The following CSDC2 variants were observed in gnomAD, a reference collection of about 807,000 sequenced individuals.
CSDC2 encodes the protein cold shock domain-containing protein C2.
CSDC2 carries 8 observed loss-of-function variants against 15.8 expected under a neutral mutation model. The ratio of observed to expected loss-of-function variants is 0.51; its 90% CI spans 0.30 to 0.92. The LOEUF (loss-of-function observed/expected upper bound fraction) is 0.92, where lower values mean the gene tolerates loss of function less well. CSDC2 is among the 40% of genes least tolerant of loss of function. CSDC2 has a pLI of 0.07. For missense variants in CSDC2, 195 were observed against 213.3 expected (o/e 0.91, Z 0.53); for synonymous variants, 96 against 92.3 (o/e 1.04, Z -0.23).
intron 1 of CSDC2, among the ~76,000 whole-genome samples, chr22:41,566,086 C>T (rs1263209665): frequency 6.7e-6 from 1 of 149,868 alleles, no homozygotes; most frequent in African/African-American, 2.5e-5. Context: ...GGGTGGATCA[C>T]CTGCAGTCAG....
intron 1 of CSDC2, among the ~76,000 whole-genome samples, chr22:41,569,964 G>C (rs2067136846): frequency 6.6e-6 from 1 of 151,970 alleles, no homozygotes; most frequent in African/African-American, 2.4e-5. Flanking sequence ...ATTTTTAGGA[G>C]AGACGGGGTT....
In CSDC2 at chr22:41,574,770, G is replaced by A; in HGVS notation, c.337G>A (p.Val113Met). 3 of 1,613,834 alleles carry A rather than the reference G, an allele frequency of 1.9e-6. No homozygotes were observed. The highest frequency in any genetic ancestry group is 4.5e-5 in the East Asian group (2 of 44,880). Residue 113 changes from valine to methionine, a missense_variant, in exon 4 of 4, where the codon GTG becomes ATG. Val to Met is a conservative substitution (Grantham distance 21, BLOSUM62 1). Transcript: ENST00000306149. ...GEYVPVEGDEVTYKMCPIPPK... is the reference protein window; with the variant it reads ...GEYVPVEGDEMTYKMCPIPPK... ...GTACGTGCCAGTGGAGGGCGACGAG[G>A]TGACCTACAAGATGTGCCCTATCCC... is the stretch of plus-strand genomic sequence containing the variant.
chr22:41,572,223 G>A (rs924190533), intron 2 of CSDC2, 82 bp downstream of exon 2: 71 of 1,170,724 alleles, frequency 6.1e-5, no homozygotes, highest in Non-Finnish European at 7.3e-5. Flanking sequence ...AACTCCTGTT[G>A]TCCTCACCTG....
At chr22:41,569,083 G>T (rs1246137754) in intron 1 of CSDC2, among the ~76,000 whole-genome samples, 2 of 152,234 alleles carry the variant, frequency 1.3e-5, no homozygotes, top group African/African-American at 4.8e-5. Context: ...GAAAACTGCA[G>T]TTGGGAGGCC....
chr22:41,573,607 G>C (rs768762646), intron 2 of CSDC2, 48 bp from the exon 3 acceptor site: 4 of 1,576,924 alleles, frequency 2.5e-6, no homozygotes, highest in Non-Finnish European at 3.5e-6. Context: ...AGGGATCCGG[G>C]GAGGAGTTCC....
rs370813840 is a variant in CSDC2, at chr22:41,573,809, C to T, written c.299+32C>T. On this transcript the variant is annotated intron_variant, in intron 3 of 3. Coordinates refer to ENST00000306149, the MANE Select transcript of CSDC2 (RefSeq NM_014460.4). Reference sequence around the variant, plus strand: ...CCCCTCCACCTCCCTGTTCTTGGCCCCTGCCCTAGTGTCCCCAATGGTGCC... The same window carrying T: ...CCCCTCCACCTCCCTGTTCTTGGCCTCTGCCCTAGTGTCCCCAATGGTGCC... 1.9e-6 allele frequency: 3 copies of T among 1,599,244 alleles called. No homozygotes were observed. The African/African-American group carries it at 4.0e-5, about 21-fold the overall frequency.
chr22:41,566,711 G>A (rs1011152276), intron 1 of CSDC2, among the ~76,000 whole-genome samples: 1 of 151,252 alleles, frequency 6.6e-6, no homozygotes, highest in Non-Finnish European at 1.5e-5. Flanking sequence ...AGGCCGAGGC[G>A]GGCAGATCAC....
intron 2 of CSDC2, 26 bp from the exon 3 acceptor site, chr22:41,573,629 C>T (rs773627807): frequency 6.3e-7 from 1 of 1,599,830 alleles, no homozygotes; most frequent in South Asian, 1.1e-5. Context: ...CAGGCCACAG[C>T]TCCAATCCCA....
intron 1 of CSDC2, among the ~76,000 whole-genome samples, chr22:41,569,693 G>A (rs369367193): frequency 2.6e-5 from 4 of 151,826 alleles, no homozygotes; most frequent in Non-Finnish European, 5.9e-5. Context: ...TGATGGGCTC[G>A]GGCTGTTTTC....
At chr22:41,571,423 C>T (rs2067144577) in intron 1 of CSDC2, among the ~76,000 whole-genome samples, 1 of 152,182 alleles carries the variant, frequency 6.6e-6, no homozygotes, top group African/African-American at 2.4e-5. Flanking sequence ...AGGATTCAAA[C>T]CCAGGCCTGG....
chr22:41,571,878 C>T lies in CSDC2; in HGVS notation c.-88C>T, dbSNP rs2067146826. 2 of 891,660 alleles carry T rather than the reference C, an allele frequency of 2.2e-6. No individual in the cohort carries two copies. The highest frequency in any genetic ancestry group is 3.1e-6 in the Non-Finnish European group (2 of 650,624). The allele number at this position is 891,660 out of a possible 1,614,324, so 55.2% of individuals were successfully genotyped here. ...TGGCTGGTGAGGCCGCAGAGCAGGGCCAGGCCGGGCCCTGCCCGCAAGGAC... is the reference window on the plus strand; with the variant it reads ...TGGCTGGTGAGGCCGCAGAGCAGGGTCAGGCCGGGCCCTGCCCGCAAGGAC... On this transcript the variant is annotated 5_prime_UTR_variant, in exon 2 of 4. Transcript: ENST00000306149.
Position 41,565,364 on chromosome 22 carries a change from T to C in CSDC2, c.-124+4181T>C, listed in dbSNP as rs1253958134. 1.5e-4 allele frequency among the ~76,000 whole-genome samples: 20 copies of C among 137,782 alleles called. No individual in the cohort carries two copies. In the Admixed American group the frequency reaches 1.5e-3, roughly 10 times the overall value. The allele number at this position is 137,782 out of a possible 152,430, so 90.4% of individuals were successfully genotyped here. On this transcript the variant is annotated intron_variant, in intron 1 of 3. Transcript: ENST00000306149. ...ACTCAGGAGGCTAAGGAAGGAGAAT[T>C]GCTTGAACCCGGGAGGCAGATGTTG... is the stretch of plus-strand genomic sequence containing the variant.
At chr22:41,563,221 C>T (rs573774383) in intron 1 of CSDC2, among the ~76,000 whole-genome samples, 1 of 152,214 alleles carries the variant, frequency 6.6e-6, no homozygotes, top group East Asian at 1.9e-4. Context: ...TTAATCAGGT[C>T]ACCTCAGGCT....
At position 41,574,867 on chromosome 22, in the gene CSDC2, C is replaced by T. The variant is rs201156662; in HGVS notation, c.434C>T (p.Thr145Met). 103 of 1,606,358 alleles carry T rather than the reference C, an allele frequency of 6.4e-5. No individual in the cohort carries two copies. Among genetic ancestry groups the T allele is most frequent in the East Asian group, 2.2e-5 (1 of 44,506 alleles). The change falls in exon 4 of 4, where the codon ACG (threonine) becomes ATG (methionine). Residue 145 changes from threonine (T) to methionine (M), a missense_variant. Physicochemically the swap from Thr to Met is moderately conservative, Grantham distance 81. Coordinates refer to ENST00000306149, the MANE Select transcript of CSDC2 (RefSeq NM_014460.4). ...TQLAPHTPHE[T>M]WSGQVVGS is the part of the protein sequence containing the mutation. Reference sequence around the variant, plus strand: ...CTGGCCCCCCACACTCCCCACGAGACGTGGTCTGGCCAGGTCGTGGGCTCC... The same window carrying T: ...CTGGCCCCCCACACTCCCCACGAGATGTGGTCTGGCCAGGTCGTGGGCTCC...
chr22:41,566,031 G>C (rs1052943220), intron 1 of CSDC2, among the ~76,000 whole-genome samples: 6 of 152,030 alleles, frequency 3.9e-5, no homozygotes, highest in Non-Finnish European at 5.9e-5. Flanking sequence ...TTGGCCGGGC[G>C]CAGTGGCTCA....
At chr22:41,572,300 C>A (rs1294833547) in intron 2 of CSDC2, among the ~76,000 whole-genome samples, 159 bp downstream of exon 2, 1 of 148,468 alleles carries the variant, frequency 6.7e-6, no homozygotes, top group Non-Finnish European at 1.5e-5. Flanking sequence ...ATCCATTCAT[C>A]CATCCACCCA....
chr22:41,564,628 T>C (rs182477464), intron 1 of CSDC2, among the ~76,000 whole-genome samples: 4 of 152,336 alleles, frequency 2.6e-5, no homozygotes, highest in Admixed American at 2.6e-4. Context: ...GGACAGCTGT[T>C]GCCCCACGTT....
chr22:41,568,265 C>T (rs1405939224), intron 1 of CSDC2, among the ~76,000 whole-genome samples: 1 of 151,678 alleles, frequency 6.6e-6, no homozygotes, highest in Non-Finnish European at 1.5e-5. Flanking sequence ...GCTGGGACCA[C>T]AGGCATGCAC....
chr22:41,572,077 G>C lies in CSDC2; in HGVS notation c.112G>C (p.Gly38Arg). Residue 38 changes from glycine (G) to arginine (R), a missense_variant, in exon 2 of 4, where the codon GGT (glycine) becomes CGT (arginine). Coordinates refer to ENST00000306149, the MANE Select transcript of CSDC2 (RefSeq NM_014460.4). ...HREGSRVWER[G>R]GVPPRDLPSP... Reference sequence around the variant, plus strand: ...GGAGGGCAGCAGGGTCTGGGAGCGGGGTGGTGTCCCACCTCGGGACCTACC... The same window carrying C: ...GGAGGGCAGCAGGGTCTGGGAGCGGCGTGGTGTCCCACCTCGGGACCTACC... 7.3e-7 allele frequency: 1 copy of C among 1,363,332 alleles called. No homozygotes were observed. Among genetic ancestry groups the C allele is most frequent in the Non-Finnish European group, 9.5e-7 (1 of 1,054,046 alleles). The allele number at this position is 1,363,332 out of a possible 1,614,324, so 84.5% of individuals were successfully genotyped here.
Sources: gnomAD v4.1 joint callset for allele counts (sites outside exome capture counted in the v4.1 genomes callset) on GRCh38, gnomAD v4.1.1 for gene constraint, MANE v1.5 for transcripts, NCBI Gene and HGNC (gene_info 2026-07-23, HGNC 2026-07-21) for gene names.